The following XYLT1 variants were observed in gnomAD, a reference collection of about 807,000 sequenced individuals.
XYLT1 encodes xylosyltransferase 1, also known as beta-D-xylosyltransferase 1.
In XYLT1, 36 loss-of-function variants were observed where a neutral mutation model predicts 91.3. The observed-to-expected ratio is 0.39, with a 90% confidence interval of 0.30 to 0.52. The LOEUF is 0.52. Ranked by LOEUF, XYLT1 falls within the 20% of genes least tolerant of loss-of-function variation. XYLT1 has a pLI of 0.68. For missense variants in XYLT1, 1,242 were observed against 1,284.5 expected (o/e 0.97, Z 0.51); for synonymous variants, 588 against 532.0 (o/e 1.11, Z -1.45).
chr16:17,454,247 C>G (rs1410579607), intron 1 of XYLT1, among the ~76,000 whole-genome samples: 3 of 152,292 alleles, frequency 2.0e-5, no homozygotes, highest in African/African-American at 4.8e-5. Flanking sequence ...TTTATAATGG[C>G]CCCAAACTGG....
At chr16:17,367,605 G>A (rs1231551814) in intron 1 of XYLT1, among the ~76,000 whole-genome samples, 4 of 152,200 alleles carry the variant, frequency 2.6e-5, no homozygotes, top group Admixed American at 1.3e-4. Context: ...TGTTCCACAG[G>A]AAAATAGTTC....
intron 3 of XYLT1, among the ~76,000 whole-genome samples, chr16:17,256,990 A>G (rs1377998673): frequency 6.6e-6 from 1 of 152,218 alleles, no homozygotes; most frequent in East Asian, 1.9e-4. Flanking sequence ...CGACTCTGAC[A>G]TGCCCCCAAC....
At chr16:17,138,842 GGTCCAACTCAGAGCGCAGGCGGATGCTCT>G (rs1259138016) in intron 7 of XYLT1, 41 of 246,866 alleles carry the variant, frequency 1.7e-4, no homozygotes, top group Middle Eastern at 2.9e-3. Flanking sequence ...CTGCCCATGT[GGTCCAACTCAGAGCGCAGGCGGATGCTCT>G]GTCCAACAGA....
At chr16:17,385,551 C>T (rs1002451499) in intron 1 of XYLT1, among the ~76,000 whole-genome samples, 3 of 151,848 alleles carry the variant, frequency 2.0e-5, no homozygotes, top group South Asian at 2.1e-4. Context: ...TATTCTGTAA[C>T]GTTTCCAAAC....
intron 9 of XYLT1, among the ~76,000 whole-genome samples, chr16:17,129,950 GGAC>G (rs1275050093): frequency 1.3e-5 from 2 of 152,186 alleles, no homozygotes; most frequent in African/African-American, 2.4e-5. Flanking sequence ...AATCTTCTTT[GGAC>G]AACAGAAAGT....
At chr16:17,283,662 G>A (rs918518096) in intron 2 of XYLT1, among the ~76,000 whole-genome samples, 1 of 152,260 alleles carries the variant, frequency 6.6e-6, no homozygotes, top group African/African-American at 2.4e-5. Context: ...GGGCTCCAAC[G>A]GCTTTGCTCC....
rs1259162797 is a variant in XYLT1 at position 17,102,218 on chromosome 16, A to T, written c.*6477T>A. On this transcript the variant is annotated 3_prime_UTR_variant, in exon 12 of 12. Transcript: ENST00000261381. ...TCTCAAAAGTATCCCAGTTTGGATG[A>T]TAAATTATATAGTCATCCTATCTTC... 1.3e-5 allele frequency: 2 copies of T among 152,474 alleles called. No homozygotes were observed. Among genetic ancestry groups the T allele is most frequent in the Non-Finnish European group, 2.9e-5 (2 of 68,034 alleles). The allele number at this position is 152,474 out of a possible 1,614,324, so 9.4% of individuals were successfully genotyped here.
chr16:17,351,029 T>G (rs751707115), intron 2 of XYLT1, among the ~76,000 whole-genome samples: 1 of 152,220 alleles, frequency 6.6e-6, no homozygotes, highest in Non-Finnish European at 1.5e-5. Context: ...AAAAATTTTT[T>G]TTTTAACTCT....
At chr16:17,237,683 A>G (rs1318309744) in intron 3 of XYLT1, among the ~76,000 whole-genome samples, 3 of 152,184 alleles carry the variant, frequency 2.0e-5, no homozygotes, top group Admixed American at 6.5e-5. Context: ...GGATGCTCCA[A>G]TATTCATCTG....
At chr16:17,143,580 G>C (rs988326236) in intron 6 of XYLT1, among the ~76,000 whole-genome samples, 4 of 152,192 alleles carry the variant, frequency 2.6e-5, no homozygotes, top group African/African-American at 7.2e-5. Flanking sequence ...TTTGGTCATG[G>C]ACTCCGTATG....
Position 17,134,580 on chromosome 16 carries a change from G to A in XYLT1, c.1920C>T (p.Gly640=), listed in dbSNP as rs1321553783. 1.9e-6 allele frequency: 3 copies of A among 1,614,222 alleles called. No homozygotes were observed. The highest frequency in any genetic ancestry group is 1.7e-5 in the Admixed American group (1 of 60,026). ...YWENVYDEPD[G]IHSLSDVTLT... ...GTGTCACGTCGCTCAGGCTGTGGATGCCGTCAGGCTCATCGTAGACATTCT... is the reference window on the plus strand; with the variant it reads ...GTGTCACGTCGCTCAGGCTGTGGATACCGTCAGGCTCATCGTAGACATTCT... Residue 640 remains glycine (G), a synonymous_variant, in exon 9 of 12, where the codon GGC becomes GGT. Transcript: ENST00000261381.
intron 2 of XYLT1, among the ~76,000 whole-genome samples, chr16:17,272,169 T>TC (rs2033906310): frequency 7.1e-6 from 1 of 141,052 alleles, no homozygotes; most frequent in East Asian, 2.0e-4. Flanking sequence ...TTTTTTTTTT[T>TC]TTTTTTTTTT....
chr16:17,169,094 C>T (rs1019373548), intron 5 of XYLT1, among the ~76,000 whole-genome samples: 1 of 152,162 alleles, frequency 6.6e-6, no homozygotes. Context: ...ACGCCTGGGA[C>T]AGGAGTGGGT....
chr16:17,258,913 T>A (rs2033676173), intron 3 of XYLT1, 75 bp downstream of exon 3: 2 of 1,424,894 alleles, frequency 1.4e-6, no homozygotes, highest in South Asian at 3.8e-5. Context: ...TCTGAGAAGG[T>A]GAGCAGAATG....
chr16:17,459,865 G>C (rs1184626746), intron 1 of XYLT1, among the ~76,000 whole-genome samples: 3 of 152,100 alleles, frequency 2.0e-5, no homozygotes, highest in Non-Finnish European at 4.4e-5. Context: ...AATTTCCAGT[G>C]GATTTCACTC....
chr16:17,168,775 T>C (rs749759402), intron 5 of XYLT1, among the ~76,000 whole-genome samples: 8 of 152,102 alleles, frequency 5.3e-5, no homozygotes, highest in Non-Finnish European at 8.8e-5. Flanking sequence ...TGGCCCGGCC[T>C]CCAGGCTCCT....
At chr16:17,262,920 G>C (rs2033745070) in intron 2 of XYLT1, among the ~76,000 whole-genome samples, 1 of 152,124 alleles carries the variant, frequency 6.6e-6, no homozygotes, top group African/African-American at 2.4e-5. Context: ...GTCAGGTACA[G>C]GAGCCAATTT....
intron 1 of XYLT1, among the ~76,000 whole-genome samples, chr16:17,429,642 C>T (rs1042988203): frequency 6.6e-6 from 1 of 152,184 alleles, no homozygotes; most frequent in Non-Finnish European, 1.5e-5. Flanking sequence ...AACTGGTGAA[C>T]TCAGTAAAGT....
chr16:17,169,508 G>A (rs1393290891), intron 5 of XYLT1, among the ~76,000 whole-genome samples: 1 of 152,144 alleles, frequency 6.6e-6, no homozygotes, highest in Non-Finnish European at 1.5e-5. Context: ...TTTATCTGAT[G>A]TTCTATCAAT....
Sources: gnomAD v4.1 joint callset for allele counts (sites outside exome capture counted in the v4.1 genomes callset) on GRCh38, gnomAD v4.1.1 for gene constraint, MANE v1.5 for transcripts, NCBI Gene and HGNC (gene_info 2026-07-23, HGNC 2026-07-21) for gene names.